Variants in ZNF676 observed in about 807,000 individuals in gnomAD.
ZNF676 encodes zinc finger protein 676.
In ZNF676, 4 loss-of-function variants were observed where a neutral mutation model predicts 6.0. That is an observed-to-expected ratio of 0.67 (90% CI 0.33 to 1.53). The LOEUF is 1.53. Among genes scored for constraint, ZNF676 ranks in the 40% most tolerant of loss-of-function variants. The pLI, the probability that ZNF676 is intolerant of heterozygous loss-of-function variation, is 0.06. For missense variants in ZNF676, 644 were observed against 679.7 expected (o/e 0.95, Z 0.58); for synonymous variants, 198 against 223.1 (o/e 0.89, Z 1.00).
At chr19:22,237,468 C>T in the ZNF676 span, among the ~76,000 whole-genome samples, 2 of 147,960 alleles carry the variant, frequency 1.4e-5, no homozygotes, top group African/African-American at 5.0e-5. Context: ...GCAGTTCTTT[C>T]TGAGTGTAGT....
upstream of ZNF676, among the ~76,000 whole-genome samples, chr19:22,217,601 C>CATT (rs145636144): frequency 7.2e-6 from 1 of 139,258 alleles, no homozygotes. Flanking sequence ...GTTCTTTTTT[C>CATT]CTTTTTTTTT....
the ZNF676 span, among the ~76,000 whole-genome samples, chr19:22,258,663 C>T: frequency 2.0e-5 from 3 of 151,974 alleles, no homozygotes; most frequent in Non-Finnish European, 4.4e-5. Flanking sequence ...TCACAATGGC[C>T]CATGTAAGGC....
chr19:22,180,599 G>T lies in ZNF676; in HGVS notation c.1118C>A (p.Ala373Asp), dbSNP rs75739455. ...ATTAAGGGTTGAGACCTTACTAAAG[G>T]CTTTGCCACATCCTTCACATTTGTA... is the stretch of plus-strand genomic sequence containing the variant. ...KPYKCEGCGK[A>D]FSKVSTLNTH... The change falls in exon 3 of 3, where the codon GCC becomes GAC. Residue 373 changes from alanine to aspartate, a missense_variant. Coordinates refer to ENST00000397121, the MANE Select transcript of ZNF676 (RefSeq NM_001001411.3). The T allele has an allele frequency of 3.4e-5, 55 of 1,599,952 alleles. No homozygotes were observed. The highest frequency in any genetic ancestry group is 4.3e-5 in the Non-Finnish European group (50 of 1,175,574).
intron 1 of ZNF676, among the ~76,000 whole-genome samples, chr19:22,207,081 C>A (rs117214114): frequency 6.6e-6 from 1 of 152,084 alleles, no homozygotes; most frequent in Non-Finnish European, 1.5e-5. Context: ...ATAAAATTGG[C>A]AGTCTTAGCC....
At chr19:22,258,065 T>C in the ZNF676 span, among the ~76,000 whole-genome samples, 1 of 151,962 alleles carries the variant, frequency 6.6e-6, no homozygotes, top group Non-Finnish European at 1.5e-5. Context: ...ATCAGAAATA[T>C]GTCAAAATTA....
chr19:22,216,560 G>T (rs281187), upstream of ZNF676, among the ~76,000 whole-genome samples: 64,360 of 151,806 alleles, frequency 0.42, 14,454 homozygotes, highest in African/African-American at 0.58. Context: ...CACTCTAGAT[G>T]TTCATATATA....
upstream of ZNF676, among the ~76,000 whole-genome samples, chr19:22,201,731 CAAAAAAAAAAAAA>C (rs35526921): frequency 1.4e-4 from 11 of 76,216 alleles, no homozygotes; most frequent in Admixed American, 1.9e-4. Context: ...TTTGTAAAGG[CAAAAAAAAAAAAA>C]AAAAAAAAAA....
the ZNF676 span, among the ~76,000 whole-genome samples, chr19:22,251,786 C>CAA: frequency 0.24 from 23,108 of 96,480 alleles, 2,912 homozygotes; most frequent in South Asian, 0.37. Context: ...GACTCCATCT[C>CAA]AAAAAAAAAA....
chr19:22,200,925 AT>A (rs1156570093), upstream of ZNF676, among the ~76,000 whole-genome samples: 1 of 151,828 alleles, frequency 6.6e-6, no homozygotes, highest in Non-Finnish European at 1.5e-5. Context: ...AGACCTCCTG[AT>A]TTTTTACTCA....
chr19:22,180,007 A>C lies in ZNF676; in HGVS notation c.1710T>G (p.Phe570Leu). The change falls in exon 3 of 3, where the codon TTT becomes TTG. Residue 570 changes from phenylalanine to leucine, a missense_variant. This residue lies in a region of ZNF676 where 306 missense variants were observed against 265.4 expected (regional missense o/e 1.15). Transcript: ENST00000397121. ...GATAACTAACAGTTGAGGATGACTT[A>C]AAAGCTTTGCCACATTCTTCACATT... ...PYKCEECGKA[F>L]KSSSTVSYHK... is the part of the protein sequence containing the mutation. 6.2e-7 allele frequency: 1 copy of C among 1,613,350 alleles called. No individual in the cohort carries two copies. Among genetic ancestry groups the C allele is most frequent in the South Asian group, 1.1e-5 (1 of 91,016 alleles).
the ZNF676 span, among the ~76,000 whole-genome samples, chr19:22,235,179 G>T: frequency 6.6e-6 from 1 of 151,414 alleles, no homozygotes; most frequent in Non-Finnish European, 1.5e-5. Flanking sequence ...AAACTCTAGA[G>T]GCCTCTGCTG....
intron 2 of ZNF676, among the ~76,000 whole-genome samples, chr19:22,182,248 A>T (rs2023766350): frequency 6.6e-6 from 1 of 152,058 alleles, no homozygotes; most frequent in Non-Finnish European, 1.5e-5. Flanking sequence ...GACCCACATA[A>T]TCTCTAGCCA....
chr19:22,257,390 G>A, the ZNF676 span, among the ~76,000 whole-genome samples: 1 of 152,120 alleles, frequency 6.6e-6, no homozygotes, highest in Non-Finnish European at 1.5e-5. Context: ...CCAGCAATAT[G>A]TCCAATACCA....
At chr19:22,248,198 C>T in the ZNF676 span, among the ~76,000 whole-genome samples, 1 of 152,124 alleles carries the variant, frequency 6.6e-6, no homozygotes, top group African/African-American at 2.4e-5. Context: ...AGTAGTGCTG[C>T]AATAAACATA....
At chr19:22,190,631 A>T (rs2023889138) in intron 2 of ZNF676, among the ~76,000 whole-genome samples, 2 of 26,496 alleles carry the variant, frequency 7.5e-5, no homozygotes, top group Non-Finnish European at 1.5e-4. Flanking sequence ...AGAATGCAAC[A>T]TATATATATA....
chr19:22,188,089 T>C (rs565135391), intron 2 of ZNF676, among the ~76,000 whole-genome samples: 12 of 152,116 alleles, frequency 7.9e-5, no homozygotes, highest in Non-Finnish European at 1.3e-4. Flanking sequence ...ATATCCCTGA[T>C]GAACACTGAT....
At chr19:22,245,265 A>G in the ZNF676 span, 1 of 152,338 alleles carries the variant, frequency 6.6e-6, no homozygotes, top group African/African-American at 2.4e-5. Context: ...TGATGGGCCC[A>G]GAGATGGATT....
At chr19:22,221,092 T>C in the ZNF676 span, among the ~76,000 whole-genome samples, 1 of 152,082 alleles carries the variant, frequency 6.6e-6, no homozygotes, top group African/African-American at 2.4e-5. Flanking sequence ...ATCTTTGTTA[T>C]TATTTTTTTT....
At chr19:22,234,794 C>T in the ZNF676 span, among the ~76,000 whole-genome samples, 991 of 151,784 alleles carry the variant, frequency 6.5e-3, no homozygotes, top group African/African-American at 0.022. Context: ...ATTAGCCAGA[C>T]GTAGTGGTGG....
Sources: gnomAD v4.1 joint callset for allele counts (sites outside exome capture counted in the v4.1 genomes callset) on GRCh38, gnomAD v4.1.1 for gene constraint, gnomAD v4.1.1 regional missense constraint, MANE v1.5 for transcripts, NCBI Gene and HGNC (gene_info 2026-07-23, HGNC 2026-07-21) for gene names.